The following ATAD1 variants were observed in gnomAD, a reference collection of about 807,000 sequenced individuals.
The protein encoded by ATAD1 is outer mitochondrial transmembrane helix translocase.
Under a neutral mutation model 42.7 loss-of-function variants are expected in ATAD1, and 18 were observed. The observed-to-expected ratio is 0.42, with a 90% confidence interval of 0.29 to 0.63. The LOEUF is 0.63. Among genes scored for constraint, ATAD1 ranks in the 20% least tolerant of loss-of-function variants. The pLI is 0.19. For synonymous variants in ATAD1, 132 were observed against 143.1 expected (o/e 0.92, Z 0.55); for missense variants, 294 against 440.4 (o/e 0.67, Z 2.98).
At chr10:87,818,427 A>G (rs1204297401), upstream of ATAD1, 1 of 208,640 alleles carries the variant, frequency 4.8e-6, no homozygotes, top group East Asian at 1.9e-4. Context: ...TGCGAGCAGC[A>G]CTCGCTAAGG....
At chr10:87,829,234 A>ATTTATTATTTATTTAT (rs33913276) in intron 1 of ATAD1, among the ~76,000 whole-genome samples, 46 of 142,964 alleles carry the variant, frequency 3.2e-4, no homozygotes, top group African/African-American at 1.2e-3. Context: ...TATTTTATTT[A>ATTTATTATTTATTTAT]TTATTTATTT....
intron 4 of ATAD1, among the ~76,000 whole-genome samples, chr10:87,786,543 C>T (rs542089565): frequency 6.6e-6 from 1 of 152,204 alleles, no homozygotes; most frequent in African/African-American, 2.4e-5. Flanking sequence ...GCAAAGAAAG[C>T]TTGTGGCTAT....
chr10:87,798,295 G>A (rs143847128), intron 2 of ATAD1, among the ~76,000 whole-genome samples: 7 of 152,282 alleles, frequency 4.6e-5, no homozygotes, highest in Non-Finnish European at 5.9e-5. Context: ...AGTGGGAAAC[G>A]TTCTAAGAAT....
Position 87,809,828 on chromosome 10 carries a change from T to C in ATAD1, c.162+4610A>G, listed in dbSNP as rs1179605648. On this transcript the variant is annotated intron_variant, in intron 2 of 9. Transcript: ENST00000680024. ...CGCCCGGCTAATTTTGTATTTTTAG[T>C]AGAGACAGGGTTTCACAATGTTGGC... 7.2e-5 allele frequency among the ~76,000 whole-genome samples: 11 copies of C among 151,928 alleles called. 1 individual carries two copies. Among genetic ancestry groups the C allele is most frequent in the Admixed American group, 4.6e-4 (7 of 15,236 alleles).
intron 3 of ATAD1, among the ~76,000 whole-genome samples, chr10:87,791,978 A>G (rs2131934859): frequency 6.6e-6 from 1 of 152,330 alleles, no homozygotes; most frequent in East Asian, 1.9e-4. Flanking sequence ...TTTAAACTCT[A>G]TAAAACAAAA....
chr10:87,817,716 T>C, intron 1 of ATAD1: 1 of 984,974 alleles, frequency 1.0e-6, no homozygotes, highest in South Asian at 4.7e-5. Context: ...TCACCATCTT[T>C]TGTGAAAGCG....
At chr10:87,760,502 C>A (rs1854433908) in intron 8 of ATAD1, among the ~76,000 whole-genome samples, 1 of 152,194 alleles carries the variant, frequency 6.6e-6, no homozygotes, top group African/African-American at 2.4e-5. Flanking sequence ...AATTAAACCT[C>A]TTTTCTTCAT....
intron 1 of ATAD1, among the ~76,000 whole-genome samples, chr10:87,823,438 C>T (rs1021001710): frequency 1.3e-5 from 2 of 152,132 alleles, no homozygotes; most frequent in Non-Finnish European, 2.9e-5. Flanking sequence ...ACCAGAATTG[C>T]TTCAGATGTC....
At position 87,833,727 on chromosome 10, in the gene ATAD1, C is replaced by CTTTTTTTTTT. The variant is rs3033524; in HGVS notation, c.-14+7450_-14+7459dup. 1.2e-4 allele frequency among the ~76,000 whole-genome samples: 12 copies of CTTTTTTTTTT among 100,768 alleles called. 1 individual carries two copies. The highest frequency in any genetic ancestry group is 1.1e-3 in the East Asian group (4 of 3,656). The allele number at this position is 100,768 out of a possible 152,430, so 66.1% of individuals were successfully genotyped here. On this transcript the variant is annotated intron_variant, in intron 1 of 4. Transcript: ENST00000495903. ...CTTTCTCTCTCTCTTTCTTTCTTTC[C>CTTTTTTTTTT]TTTTTTTTTTTTTTTTTTTTGATAG...
intron 8 of ATAD1, among the ~76,000 whole-genome samples, chr10:87,757,337 T>C (rs1854272946): frequency 6.6e-6 from 1 of 151,842 alleles, no homozygotes. Context: ...TTCTATTATC[T>C]CAACATGAAT....
intron 3 of ATAD1, 33 bp from the exon 4 acceptor site, chr10:87,790,463 T>C (rs1856044644): frequency 6.3e-7 from 1 of 1,578,786 alleles, no homozygotes; most frequent in Non-Finnish European, 8.5e-7. Flanking sequence ...TGAATTTTAC[T>C]ACAAATGTAC....
chr10:87,779,180 C>T (rs989702000), intron 5 of ATAD1, among the ~76,000 whole-genome samples: 1 of 152,168 alleles, frequency 6.6e-6, no homozygotes, highest in African/African-American at 2.4e-5. Flanking sequence ...TGCCTATAAT[C>T]CCAGCTACTT....
chr10:87,839,712 C>T (rs1014516376), intron 1 of ATAD1, among the ~76,000 whole-genome samples: 11 of 152,088 alleles, frequency 7.2e-5, no homozygotes, highest in East Asian at 1.9e-4. Context: ...TCTTCCCCCC[C>T]GCCGCCCCCA....
chr10:87,839,527 G>A (rs1857991035), intron 1 of ATAD1, among the ~76,000 whole-genome samples: 1 of 152,180 alleles, frequency 6.6e-6, no homozygotes, highest in African/African-American at 2.4e-5. Flanking sequence ...AACAGAACAT[G>A]AGTAATTCTT....
chr10:87,818,209 C>G lies in ATAD1; in HGVS notation c.-56G>C. Reference sequence around the variant, plus strand: ...AAGAGCAAGTGCCCTCAGCCGGCCTCACACAGGAAGGAAACGCAACCTGGG... The same window carrying G: ...AAGAGCAAGTGCCCTCAGCCGGCCTGACACAGGAAGGAAACGCAACCTGGG... On this transcript the variant is annotated 5_prime_UTR_variant, in exon 1 of 10. Transcript: ENST00000680024. 1 of 985,626 alleles carries G rather than the reference C, an allele frequency of 1.0e-6. No homozygotes were observed. The highest frequency in any genetic ancestry group is 1.7e-5 in the African/African-American group (1 of 57,374). 61.1% of individuals were successfully genotyped at this position (985,626 alleles called of 1,614,324 possible).
intron 1 of ATAD1, 179 bp from the exon 2 acceptor site, chr10:87,814,791 A>G: frequency 2.5e-6 from 1 of 401,108 alleles, no homozygotes; most frequent in Non-Finnish European, 4.2e-6. Context: ...TTAAGTAAAC[A>G]AATACATTTA....
chr10:87,776,099 T>C (rs1331211331), intron 6 of ATAD1, among the ~76,000 whole-genome samples: 1 of 152,222 alleles, frequency 6.6e-6, no homozygotes, highest in Admixed American at 6.5e-5. Flanking sequence ...GCTGTGTCTG[T>C]TTCAGGCATT....
chr10:87,778,488 C>T (rs906593626), intron 5 of ATAD1, among the ~76,000 whole-genome samples: 6 of 151,908 alleles, frequency 3.9e-5, no homozygotes, highest in African/African-American at 1.2e-4. Flanking sequence ...AACCCAAGTC[C>T]GGATATGAAA....
chr10:87,811,900 CCCTA>C, intron 2 of ATAD1, among the ~76,000 whole-genome samples: 1 of 152,300 alleles, frequency 6.6e-6, no homozygotes, highest in African/African-American at 2.4e-5. Flanking sequence ...CATAAATTTG[CCCTA>C]CCTACCAGTT....
Sources: gnomAD v4.1 joint callset for allele counts (sites outside exome capture counted in the v4.1 genomes callset) on GRCh38, gnomAD v4.1.1 for gene constraint, MANE v1.5 for transcripts, NCBI Gene and HGNC (gene_info 2026-07-23, HGNC 2026-07-21) for gene names.